SLC24A5: variants seen among roughly 807,000 people sequenced by gnomAD.
SLC24A5 encodes sodium/potassium/calcium exchanger 5.
SLC24A5 carries 46 observed loss-of-function variants against 51.6 expected under a neutral mutation model. The observed-to-expected ratio is 0.89, with a 90% CI of 0.70 to 1.14. The LOEUF (loss-of-function observed/expected upper bound fraction) is 1.14, where lower values mean the gene tolerates loss of function less well. SLC24A5 is among the 50% of genes most tolerant of loss of function. The pLI, the probability that SLC24A5 is intolerant of heterozygous loss-of-function variation, is 0.00. For synonymous variants in SLC24A5, 230 were observed against 214.9 expected, an observed-to-expected ratio of 1.07 and a Z score of -0.62; for missense variants, 581 against 604.1, an observed-to-expected ratio of 0.96 and a Z score of 0.40.
rs1294013129 is a variant in SLC24A5 at position 48,139,009 on chromosome 15, A to G, written c.912A>G (p.Lys304=). 1 of 1,613,034 alleles carries G rather than the reference A, an allele frequency of 6.2e-7. No homozygotes were observed. Among genetic ancestry groups the G allele is most frequent in the Admixed American group, 1.7e-5 (1 of 59,988 alleles). The stretch of plus-strand genomic sequence containing the variant: ...TCAACATGCCTGAAGCAGACTTAAA[A>G]AGAATTTTTTGGGTATTATCCCTTC... ...SVFNMPEADL[K]RIFWVLSLPI... is the part of the protein sequence containing the mutation. The change falls in exon 7 of 9, where the codon AAA becomes AAG. Residue 304 remains lysine (K), a synonymous_variant. Transcript: ENST00000341459.
intron 2 of SLC24A5, among the ~76,000 whole-genome samples, chr15:48,133,285 T>TG (rs1310552625): frequency 1.3e-5 from 2 of 152,188 alleles, no homozygotes; most frequent in Non-Finnish European, 2.9e-5. Flanking sequence ...ATTTAATGTA[T>TG]GGCATGCTAC....
chr15:48,132,678 C>T (rs2038803238), intron 2 of SLC24A5, among the ~76,000 whole-genome samples: 1 of 152,088 alleles, frequency 6.6e-6, no homozygotes, highest in Non-Finnish European at 1.5e-5. Context: ...GAGCTAGAAT[C>T]ACCTGAGAGC....
intron 2 of SLC24A5, among the ~76,000 whole-genome samples, chr15:48,131,552 T>A (rs1597254551): frequency 6.6e-6 from 1 of 152,182 alleles, no homozygotes; most frequent in South Asian, 2.1e-4. Flanking sequence ...TCTCACCATG[T>A]GATCTCTGCA....
intron 1 of SLC24A5, among the ~76,000 whole-genome samples, chr15:48,121,511 G>A (rs1032793763): frequency 2.6e-5 from 4 of 152,086 alleles, no homozygotes; most frequent in African/African-American, 4.8e-5. Context: ...ATGAGAAAAC[G>A]AAATTGTATA....
In SLC24A5 at chr15:48,134,513, C is replaced by T. The variant is rs1321494305; in HGVS notation, c.464C>T (p.Ala155Val). The change falls in exon 4 of 9, where the codon GCT becomes GTT. Residue 155 changes from alanine to valine, a missense_variant. Physicochemically the swap from Ala to Val is moderately conservative, Grantham distance 64. Transcript: ENST00000341459. The part of the protein sequence containing the change: ...SAIYNLLGIC[A>V]ACGLLSNTVS... ...ATTTATAATCTCCTTGGCATCTGTG[C>T]TGCCTGTGGTTTGCTATCTAATACG... 6.2e-7 allele frequency: 1 copy of T among 1,613,192 alleles called. No individual in the cohort carries two copies. The highest frequency in any genetic ancestry group is 1.7e-5 in the Admixed American group (1 of 59,962).
rs1567235161 is a variant in SLC24A5 at position 48,142,074 on chromosome 15, T to G, written c.1226T>G (p.Phe409Cys). 2 of 1,613,814 alleles carry G rather than the reference T, an allele frequency of 1.2e-6. No individual in the cohort carries two copies. Among genetic ancestry groups the G allele is most frequent in the Non-Finnish European group, 1.7e-6 (2 of 1,179,854 alleles). The change falls in exon 9 of 9, where the codon TTT becomes TGT. Residue 409 changes from phenylalanine to cysteine, a missense_variant. Coordinates refer to ENST00000341459, the MANE Select transcript of SLC24A5 (RefSeq NM_205850.3). The stretch of plus-strand genomic sequence containing the variant: ...TCTAACATCGTGGGATCCAATGTGT[T>G]TGATATGTTGTGCCTTGGTATTCCA... ...AMSNIVGSNVFDMLCLGIPWF... is the reference protein window; with the variant it reads ...AMSNIVGSNVCDMLCLGIPWF...
At chr15:48,121,574 G>C (rs1412898450) in intron 1 of SLC24A5, among the ~76,000 whole-genome samples, 2 of 152,152 alleles carry the variant, frequency 1.3e-5, no homozygotes, top group Non-Finnish European at 2.9e-5. Flanking sequence ...GGGGAAGAGA[G>C]ATTCAGAAAT....
chr15:48,136,766 T>C lies in SLC24A5; in HGVS notation c.674T>C (p.Ile225Thr), dbSNP rs574775672. The C allele has an allele frequency of 5.6e-6, 9 of 1,613,568 alleles. 1 individual carries two copies. The South Asian group carries it at 8.8e-5, about 16-fold the overall frequency. The change falls in exon 6 of 9, where the codon ATA becomes ACA. Residue 225 changes from isoleucine (I) to threonine (T), a missense_variant. Transcript: ENST00000341459. ...CFDIKINQYIIKKCSPCCACL... is the reference protein window; with the variant it reads ...CFDIKINQYITKKCSPCCACL... ...GACATTAAAATTAACCAATATATTATAAAGAAATGCAGTCCTTGCTGCGCC... is the reference window on the plus strand; with the variant it reads ...GACATTAAAATTAACCAATATATTACAAAGAAATGCAGTCCTTGCTGCGCC...
At chr15:48,141,903 C>A in intron 8 of SLC24A5, 126 bp from the exon 9 acceptor site, 1 of 648,842 alleles carries the variant, frequency 1.5e-6, no homozygotes, top group Non-Finnish European at 2.5e-6. Flanking sequence ...AAGACTTTTG[C>A]TCTAACAACA....
intron 7 of SLC24A5, 53 bp downstream of exon 7, chr15:48,139,228 AT>A: frequency 1.4e-6 from 2 of 1,461,488 alleles, no homozygotes; most frequent in Non-Finnish European, 1.9e-6. Context: ...ATAAGAACAA[AT>A]TGCATATGTT....
intron 2 of SLC24A5, chr15:48,123,917 T>G (rs2038704804): frequency 1.3e-5 from 2 of 152,154 alleles, no homozygotes; most frequent in Non-Finnish European, 2.9e-5. Flanking sequence ...GTGAATATTT[T>G]ATATGTTTAT....
intron 2 of SLC24A5, among the ~76,000 whole-genome samples, chr15:48,130,450 G>A (rs540232961): frequency 2.6e-5 from 4 of 152,038 alleles, no homozygotes; most frequent in Non-Finnish European, 5.9e-5. Flanking sequence ...GCAGTGAATA[G>A]GAACAAGCTT....
chr15:48,127,274 G>C (rs1286362533), intron 2 of SLC24A5, among the ~76,000 whole-genome samples: 1 of 152,136 alleles, frequency 6.6e-6, no homozygotes, highest in Admixed American at 6.5e-5. Flanking sequence ...TGTTACATAA[G>C]AACAGACTAC....
intron 2 of SLC24A5, among the ~76,000 whole-genome samples, chr15:48,131,409 G>C (rs1320011592): frequency 6.6e-6 from 1 of 152,030 alleles, no homozygotes; most frequent in South Asian, 2.1e-4. Context: ...GTTGGAGGTG[G>C]GGAGTAATGG....
intron 2 of SLC24A5, among the ~76,000 whole-genome samples, chr15:48,132,703 G>A (rs187002020): frequency 6.6e-6 from 1 of 152,090 alleles, no homozygotes; most frequent in Admixed American, 6.6e-5. Context: ...TCTCTCATAT[G>A]TCTGGTGCCT....
At position 48,142,068 on chromosome 15, in the gene SLC24A5, A is replaced by G. The variant is rs375548629; in HGVS notation, c.1220A>G (p.Asn407Ser). ...DMAMSNIVGS[N>S]VFDMLCLGIP... is the part of the protein sequence containing the mutation. ...GCTATGTCTAACATCGTGGGATCCA[A>G]TGTGTTTGATATGTTGTGCCTTGGT... The change falls in exon 9 of 9, where the codon AAT becomes AGT. Residue 407 changes from asparagine (N) to serine (S), a missense_variant. Coordinates refer to ENST00000341459, the MANE Select transcript of SLC24A5 (RefSeq NM_205850.3). The G allele has an allele frequency of 2.5e-6, 4 of 1,613,600 alleles. No homozygotes were observed. In the African/African-American group the frequency reaches 4.0e-5, roughly 16 times the overall value.
intron 6 of SLC24A5, chr15:48,138,324 T>C (rs2038953032): frequency 1.3e-5 from 2 of 152,124 alleles, no homozygotes; most frequent in East Asian, 1.9e-4. Context: ...TTCTACTAAA[T>C]TAAATTGAAT....
At position 48,134,277 on chromosome 15, in the gene SLC24A5, T is replaced by C; in HGVS notation, c.321T>C (p.Asp107=). Reference sequence around the variant, plus strand: ...GTTCAGCCCTTGGATTGTCTCAGGATGTTGCAGGCACAACTTTCATGGCAG... The same window carrying C: ...GTTCAGCCCTTGGATTGTCTCAGGACGTTGCAGGCACAACTTTCATGGCAG... ...IISESLGLSQ[D]VAGTTFMAAG... Residue 107 remains aspartate (D), a synonymous_variant, in exon 3 of 9, where the codon GAT becomes GAC. Transcript: ENST00000341459. 3 of 1,613,666 alleles carry C rather than the reference T, an allele frequency of 1.9e-6. No homozygotes were observed. Among genetic ancestry groups the C allele is most frequent in the Non-Finnish European group, 2.5e-6 (3 of 1,179,634 alleles).
chr15:48,134,157 G>C (rs1222370198), intron 2 of SLC24A5, 101 bp from the exon 3 acceptor site: 2 of 975,276 alleles, frequency 2.1e-6, no homozygotes, highest in African/African-American at 3.4e-5. Flanking sequence ...GTTTAATAGT[G>C]GTTTTATGTG....
Sources: gnomAD v4.1 joint callset for allele counts (sites outside exome capture counted in the v4.1 genomes callset) on GRCh38, gnomAD v4.1.1 for gene constraint, MANE v1.5 for transcripts, NCBI Gene and HGNC (gene_info 2026-07-23, HGNC 2026-07-21) for gene names.